RAB23: variants seen among roughly 807,000 people sequenced by gnomAD.
The protein encoded by RAB23 is ras-related protein Rab-23.
RAB23 carries 15 observed loss-of-function variants against 30.0 expected under a neutral mutation model. The ratio of observed to expected loss-of-function variants is 0.50; its 90% CI spans 0.33 to 0.77. The LOEUF is 0.77. RAB23 is among the 30% of genes least tolerant of loss of function. The probability of loss-of-function intolerance (pLI) is 0.02; values close to 1 mark genes in which losing one functional copy is unlikely to be tolerated. For missense variants in RAB23, 243 were observed against 275.4 expected, an observed-to-expected ratio of 0.88 and a Z score of 0.83; for synonymous variants, 93 against 94.0, an observed-to-expected ratio of 0.99 and a Z score of 0.06.
At chr6:57,218,512 ACT>A (rs1031298778) in intron 1 of RAB23, among the ~76,000 whole-genome samples, 1 of 152,118 alleles carries the variant, frequency 6.6e-6, no homozygotes, top group Non-Finnish European at 1.5e-5. Context: ...TTGTGAGAAA[ACT>A]CTGAGCAAAC....
At chr6:57,202,752 AC>A (rs1401402693) in intron 3 of RAB23, among the ~76,000 whole-genome samples, 1 of 152,252 alleles carries the variant, frequency 6.6e-6, no homozygotes, top group Non-Finnish European at 1.5e-5. Flanking sequence ...TTTGGCAGCA[AC>A]CAAAAGCATT....
At position 57,190,506 on chromosome 6, in the gene RAB23, CCT is replaced by C; in HGVS notation, c.667_668del (p.Arg223AspfsTer9). On this transcript the variant is annotated frameshift_variant, in exon 7 of 7. Coordinates refer to ENST00000468148, the MANE Select transcript of RAB23 (RefSeq NM_016277.5). LOFTEE classifies it high-confidence loss of function. ...DVINLRPNKQRTKKNRNPFSS... is the reference protein window; with the variant it reads ...DVINLRPNKQXTKKNRNPFSS... ...TAAAAGGATTTCTGTTTTTCTTGGT[CCT>C]TTGTTTGTTGGGTCTAAGATTGATG... 1.2e-6 allele frequency: 2 copies of C among 1,613,988 alleles called. No homozygotes were observed. Among genetic ancestry groups the C allele is most frequent in the Non-Finnish European group, 1.7e-6 (2 of 1,179,954 alleles).
Position 57,195,598 on chromosome 6 carries a change from T to C in RAB23, c.399-746A>G, listed in dbSNP as rs78302620. On this transcript the variant is annotated intron_variant, in intron 4 of 6. Transcript: ENST00000468148. ...AGAAACACTGTGGCTTCTGTCTTGCTCTTTCTTGGATCACCCACTCTGGGA... is the reference window on the plus strand; with the variant it reads ...AGAAACACTGTGGCTTCTGTCTTGCCCTTTCTTGGATCACCCACTCTGGGA... 3.8e-3 allele frequency among the ~76,000 whole-genome samples: 584 copies of C among 152,334 alleles called. 2 individuals carry two copies. The highest frequency in any genetic ancestry group is 0.017 in the Middle Eastern group (5 of 294).
chr6:57,210,546 T>C, intron 1 of RAB23, 101 bp from the exon 2 acceptor site: 1 of 755,184 alleles, frequency 1.3e-6, no homozygotes, highest in Non-Finnish European at 2.2e-6. Flanking sequence ...AAGGATGTGT[T>C]TTCATAACTG....
At position 57,188,585 on chromosome 6, in the gene RAB23, G is replaced by A. The variant is rs927910061; in HGVS notation, c.*1876C>T. ...TGTGCAAAAATTAAAGAGGAGAGTA[G>A]AGAGTAGAAAATTGAAGAGAGTAGA... is the stretch of plus-strand genomic sequence containing the variant. On this transcript the variant is annotated 3_prime_UTR_variant, in exon 7 of 7. Coordinates refer to ENST00000468148, the MANE Select transcript of RAB23 (RefSeq NM_016277.5). 1.3e-5 allele frequency: 2 copies of A among 152,146 alleles called. No individual in the cohort carries two copies. Among genetic ancestry groups the A allele is most frequent in the Non-Finnish European group, 2.9e-5 (2 of 68,000 alleles). 9.4% of individuals were successfully genotyped at this position (152,146 alleles called of 1,614,324 possible).
chr6:57,203,000 G>GTTTTTTTTT (rs1170559704), intron 3 of RAB23, among the ~76,000 whole-genome samples: 9 of 82,596 alleles, frequency 1.1e-4, no homozygotes, highest in Non-Finnish European at 1.6e-4. Flanking sequence ...AAGATAGGCT[G>GTTTTTTTTT]TTTTTTTTTT....
rs956136996 is a variant in RAB23 at position 57,195,080 on chromosome 6, T to C, written c.399-228A>G. On this transcript the variant is annotated intron_variant, in intron 4 of 6. Transcript: ENST00000468148. The stretch of plus-strand genomic sequence containing the variant: ...GTTTTCATTTAGTGCCTGTACTGAT[T>C]TTAGTTTTCACTACTCTTGAGAAAT... Among the ~76,000 whole-genome samples the C allele has an allele frequency of 5.9e-5, 9 of 152,320 alleles. No homozygotes were observed. In the East Asian group the frequency reaches 1.7e-3, roughly 29 times the overall value.
chr6:57,211,550 C>T (rs1022585289), intron 1 of RAB23, among the ~76,000 whole-genome samples: 1 of 152,132 alleles, frequency 6.6e-6, no homozygotes, highest in Non-Finnish European at 1.5e-5. Context: ...GTAGAAATTG[C>T]TTTTCAACCT....
At chr6:57,216,103 A>G (rs540070027) in intron 1 of RAB23, among the ~76,000 whole-genome samples, 2 of 152,376 alleles carry the variant, frequency 1.3e-5, no homozygotes, top group Non-Finnish European at 2.9e-5. Flanking sequence ...AATATTTACC[A>G]ATGTGTTACA....
chr6:57,195,776 T>G (rs571649529), intron 4 of RAB23, among the ~76,000 whole-genome samples: 1 of 152,294 alleles, frequency 6.6e-6, no homozygotes, highest in African/African-American at 2.4e-5. Flanking sequence ...CAACTGCAGC[T>G]TCATGAAAAA....
chr6:57,203,000 G>GTTTTTTTTTT (rs1170559704), intron 3 of RAB23, among the ~76,000 whole-genome samples: 5 of 82,596 alleles, frequency 6.1e-5, no homozygotes, highest in Non-Finnish European at 9.1e-5. Flanking sequence ...AAGATAGGCT[G>GTTTTTTTTTT]TTTTTTTTTT....
chr6:57,203,000 G>GGTT (rs1765321861), intron 3 of RAB23, among the ~76,000 whole-genome samples: 1 of 82,598 alleles, frequency 1.2e-5, no homozygotes, highest in African/African-American at 4.7e-5. Context: ...AAGATAGGCT[G>GGTT]TTTTTTTTTT....
chr6:57,208,156 C>T (rs1389233127), intron 2 of RAB23, among the ~76,000 whole-genome samples: 1 of 152,028 alleles, frequency 6.6e-6, no homozygotes, highest in Non-Finnish European at 1.5e-5. Context: ...AAAAACATTC[C>T]CCTAAAGCTA....
intron 6 of RAB23, among the ~76,000 whole-genome samples, 196 bp from the exon 7 acceptor site, chr6:57,190,796 G>A (rs1167236184): frequency 6.6e-6 from 1 of 152,062 alleles, no homozygotes; most frequent in African/African-American, 2.4e-5. Context: ...TTGTAATGTT[G>A]TGGAACAATC....
intron 2 of RAB23, among the ~76,000 whole-genome samples, chr6:57,208,626 C>CAAAAAA (rs1168854982): frequency 6.4e-5 from 3 of 46,912 alleles, no homozygotes; most frequent in African/African-American, 8.7e-5. Context: ...GACTCTGTCT[C>CAAAAAA]AAAAAAAAAA....
At position 57,189,307 on chromosome 6, in the gene RAB23, T is replaced by C. The variant is rs1345897959; in HGVS notation, c.*1154A>G. ...AATCTTAAAATACCATACAAAAATG[T>C]GTAAACAAAAGGATGGTTTAGAGTT... On this transcript the variant is annotated 3_prime_UTR_variant, in exon 7 of 7. Coordinates refer to ENST00000468148, the MANE Select transcript of RAB23 (RefSeq NM_016277.5). 6.6e-6 allele frequency: 1 copy of C among 152,212 alleles called. No individual in the cohort carries two copies. The highest frequency in any genetic ancestry group is 6.5e-5 in the Admixed American group (1 of 15,280). The allele number at this position is 152,212 out of a possible 1,614,324, so 9.4% of individuals were successfully genotyped here.
chr6:57,192,259 T>G (rs1454126499), intron 6 of RAB23, among the ~76,000 whole-genome samples: 1 of 152,228 alleles, frequency 6.6e-6, no homozygotes, highest in Admixed American at 6.5e-5. Flanking sequence ...AAGAACTTTA[T>G]AGTTTCCATT....
At chr6:57,197,043 G>A (rs951960051) in intron 3 of RAB23, among the ~76,000 whole-genome samples, 4 of 152,080 alleles carry the variant, frequency 2.6e-5, no homozygotes, top group African/African-American at 7.2e-5. Context: ...TTCTTTCAGC[G>A]TAGATTTAAG....
At chr6:57,217,904 G>GATAGCA (rs1297987510) in intron 1 of RAB23, among the ~76,000 whole-genome samples, 1 of 151,966 alleles carries the variant, frequency 6.6e-6, no homozygotes. Context: ...TAAAATAGGG[G>GATAGCA]ATAGCAACAT....
Sources: allele counts gnomAD v4.1 joint callset (sites outside exome capture counted in the v4.1 genomes callset), GRCh38; gene constraint gnomAD v4.1.1; transcripts MANE v1.5; gene names NCBI Gene and HGNC (gene_info 2026-07-23, HGNC 2026-07-21).